The following ZNF618 variants were observed in gnomAD, a reference collection of about 807,000 sequenced individuals.
ZNF618 encodes neural precursor cell expressed, developmentally down-regulated 10.
A neutral mutation model predicts 103.0 loss-of-function variants in ZNF618; 34 were observed. The observed-to-expected ratio is 0.33, with a 90% CI of 0.25 to 0.44. The LOEUF (loss-of-function observed/expected upper bound fraction) is 0.44, where lower values mean the gene tolerates loss of function less well. Among genes scored for constraint, ZNF618 ranks in the 20% least tolerant of loss-of-function variants. ZNF618 has a pLI of 1.00. For missense variants in ZNF618, 1,059 were observed against 1,295.4 expected (o/e 0.82, Z 2.80); for synonymous variants, 551 against 542.2 (o/e 1.02, Z -0.23).
At chr9:114,012,883 A>G (rs1021745436) in intron 9 of ZNF618, among the ~76,000 whole-genome samples, 3 of 152,320 alleles carry the variant, frequency 2.0e-5, no homozygotes, top group African/African-American at 7.2e-5. Context: ...AGCTAAAGGA[A>G]GACCTGTATA....
intron 1 of ZNF618, among the ~76,000 whole-genome samples, chr9:113,939,295 G>GT (rs749320550): frequency 2.9e-5 from 4 of 138,628 alleles, no homozygotes; most frequent in East Asian, 1.9e-4. Flanking sequence ...TTGTTTGTTT[G>GT]TTGTTGTTGT....
At chr9:113,927,527 G>A (rs1342355364) in intron 1 of ZNF618, among the ~76,000 whole-genome samples, 1 of 152,192 alleles carries the variant, frequency 6.6e-6, no homozygotes, top group East Asian at 1.9e-4. Flanking sequence ...TCTTTTAGTG[G>A]GCCTGTGCCC....
At chr9:113,943,719 G>A (rs550347325) in intron 1 of ZNF618, among the ~76,000 whole-genome samples, 1 of 152,208 alleles carries the variant, frequency 6.6e-6, no homozygotes, top group East Asian at 1.9e-4. Flanking sequence ...CCGGGCCATT[G>A]GTTTATGAAA....
intron 3 of ZNF618, among the ~76,000 whole-genome samples, chr9:113,989,776 C>G (rs553055530): frequency 1.3e-5 from 2 of 152,348 alleles, no homozygotes; most frequent in East Asian, 3.9e-4. Flanking sequence ...TGAGAATCAT[C>G]CTTAAACTCC....
chr9:114,029,095 G>A (rs1363396040), intron 11 of ZNF618, 123 bp downstream of exon 11: 9 of 1,376,620 alleles, frequency 6.5e-6, no homozygotes, highest in Non-Finnish European at 8.7e-6. Context: ...GTAGTGATCT[G>A]GGACAAATCT....
rs1392747941 is a variant in ZNF618, at chr9:114,051,536, T to G, written c.*1369T>G. On this transcript the variant is annotated 3_prime_UTR_variant, in exon 15 of 15. Transcript: ENST00000374126. ...ACTCCGAAGTCAGCCCATAGTCACA[T>G]CCACCACACCTCAGACCTGCCACAG... 6.5e-6 allele frequency: 1 copy of G among 153,432 alleles called. No individual in the cohort carries two copies. Among genetic ancestry groups the G allele is most frequent in the African/African-American group, 2.4e-5 (1 of 41,434 alleles). The allele number at this position is 153,432 out of a possible 1,614,324, so 9.5% of individuals were successfully genotyped here. A position where few individuals can be genotyped will look rare whatever the true frequency, so the allele number is the denominator to read the frequency against.
At chr9:113,968,481 C>A (rs563838869) in intron 1 of ZNF618, among the ~76,000 whole-genome samples, 3 of 152,128 alleles carry the variant, frequency 2.0e-5, no homozygotes, top group Non-Finnish European at 4.4e-5. Flanking sequence ...ATTGAGGTCC[C>A]CCTGAGCACT....
intron 1 of ZNF618, 106 bp from the exon 2 acceptor site, chr9:113,969,011 C>G: frequency 7.5e-7 from 1 of 1,334,492 alleles, no homozygotes; most frequent in South Asian, 1.2e-5. Context: ...CCAGCTCACC[C>G]CACAGTGTGA....
At position 113,969,127 on chromosome 9, in the gene ZNF618, C is replaced by G; in HGVS notation, c.44C>G (p.Ala15Gly). Reference sequence around the variant, plus strand: ...GGGTTTCTTTTGCAGGCTGACGGAGCCAGTGCAGCCGGAAGGAAAAGCACT... The same window carrying G: ...GGGTTTCTTTTGCAGGCTGACGGAGGCAGTGCAGCCGGAAGGAAAAGCACT... ...GGAAAPQADG[A>G]SAAGRKSTAS... Residue 15 changes from alanine (A) to glycine (G), a missense_variant, in exon 2 of 15, where the codon GCC becomes GGC. By Grantham distance (60) the Ala-to-Gly change is moderately conservative. This residue lies in a region of ZNF618 where 194 missense variants were observed against 209.0 expected (regional missense o/e 0.93). Transcript: ENST00000374126. 1 of 1,613,968 alleles carries G rather than the reference C, an allele frequency of 6.2e-7. No homozygotes were observed. Among genetic ancestry groups the G allele is most frequent in the Non-Finnish European group, 8.5e-7 (1 of 1,179,884 alleles).
At chr9:113,926,688 A>G (rs562715531) in intron 1 of ZNF618, among the ~76,000 whole-genome samples, 2 of 151,974 alleles carry the variant, frequency 1.3e-5, no homozygotes, top group Admixed American at 6.6e-5. Flanking sequence ...CACCTTTTCC[A>G]TTAGAGCACT....
Position 113,998,373 on chromosome 9 carries a change from G to T in ZNF618, c.433+19G>T. On this transcript the variant is annotated intron_variant, in intron 4 of 14. Transcript: ENST00000374126. ...GCATCTGGTACGTGATGGCCAAGGGGTAGTGCCTGATCCGGGGCCAGTATG... is the reference window on the plus strand; with the variant it reads ...GCATCTGGTACGTGATGGCCAAGGGTTAGTGCCTGATCCGGGGCCAGTATG... 6.5e-7 allele frequency: 1 copy of T among 1,546,930 alleles called. No homozygotes were observed. The highest frequency in any genetic ancestry group is 8.7e-7 in the Non-Finnish European group (1 of 1,144,194).
chr9:113,965,242 C>G (rs968796795), intron 1 of ZNF618, among the ~76,000 whole-genome samples: 1 of 152,116 alleles, frequency 6.6e-6, no homozygotes, highest in Admixed American at 6.5e-5. Flanking sequence ...CTGCCATTTG[C>G]ACAAAATGTG....
intron 1 of ZNF618, among the ~76,000 whole-genome samples, chr9:113,954,092 A>G (rs537923925): frequency 2.6e-5 from 4 of 152,094 alleles, no homozygotes; most frequent in Admixed American, 6.5e-5. Context: ...GGTTGAGTCT[A>G]TGTGGGGTAG....
intron 1 of ZNF618, among the ~76,000 whole-genome samples, chr9:113,924,424 CTT>C (rs869300538): frequency 1.8e-4 from 12 of 67,182 alleles, no homozygotes; most frequent in Non-Finnish European, 2.6e-4. Flanking sequence ...TCTTCTTCTT[CTT>C]TTTTTTTTTT....
At chr9:114,011,594 C>A (rs1359300269) in intron 9 of ZNF618, among the ~76,000 whole-genome samples, 1 of 152,198 alleles carries the variant, frequency 6.6e-6, no homozygotes, top group African/African-American at 2.4e-5. Context: ...TACGTATAAG[C>A]AGGCCAATGC....
At chr9:113,942,481 G>T (rs186156383) in intron 1 of ZNF618, among the ~76,000 whole-genome samples, 3 of 152,260 alleles carry the variant, frequency 2.0e-5, no homozygotes, top group Non-Finnish European at 4.4e-5. Context: ...AAATGAAAAG[G>T]TAGATGTCTT....
At chr9:114,024,387 G>A (rs918715443) in intron 10 of ZNF618, among the ~76,000 whole-genome samples, 1 of 152,070 alleles carries the variant, frequency 6.6e-6, no homozygotes, top group African/African-American at 2.4e-5. Context: ...ACATTTTCCT[G>A]TGTTGCCTGG....
At chr9:114,005,074 TTA>T (rs1841613248) in intron 6 of ZNF618, among the ~76,000 whole-genome samples, 2 of 152,314 alleles carry the variant, frequency 1.3e-5, no homozygotes, top group African/African-American at 4.8e-5. Flanking sequence ...CCTTTATTCT[TTA>T]TTATAACTAT....
chr9:113,877,934 T>C (rs545741593), intron 1 of ZNF618, among the ~76,000 whole-genome samples: 50 of 152,272 alleles, frequency 3.3e-4, no homozygotes, highest in Non-Finnish European at 5.7e-4. Context: ...TTTTATGACA[T>C]GCAACTGAAT....
Sources: allele counts gnomAD v4.1 joint callset (sites outside exome capture counted in the v4.1 genomes callset), GRCh38; gene constraint gnomAD v4.1.1; regional missense constraint gnomAD v4.1.1; transcripts MANE v1.5; gene names NCBI Gene and HGNC (gene_info 2026-07-23, HGNC 2026-07-21).